The following MAP3K5 variants were observed in gnomAD, a reference collection of about 807,000 sequenced individuals.
MAP3K5 encodes ASK-1.
Under a neutral mutation model 158.7 loss-of-function variants are expected in MAP3K5, and 56 were observed. That is an observed-to-expected ratio of 0.35 (90% CI 0.28 to 0.44). The LOEUF is 0.44. Ranked by LOEUF, MAP3K5 falls within the 20% of genes least tolerant of loss-of-function variation. The probability of loss-of-function intolerance (pLI) is 1.00; values close to 1 mark genes in which losing one functional copy is unlikely to be tolerated. For missense variants in MAP3K5, 1,294 were observed against 1,674.8 expected (o/e 0.77, Z 3.97); for synonymous variants, 579 against 601.7 (o/e 0.96, Z 0.55).
intron 1 of MAP3K5, among the ~76,000 whole-genome samples, chr6:136,770,930 G>T (rs1320732714): frequency 3.9e-5 from 6 of 152,048 alleles, no homozygotes; most frequent in Non-Finnish European, 8.8e-5. Flanking sequence ...AAAACAAAGG[G>T]ATAATATTCT....
chr6:136,712,908 T>A (rs745841550), intron 2 of MAP3K5, among the ~76,000 whole-genome samples: 3 of 152,218 alleles, frequency 2.0e-5, no homozygotes, highest in Admixed American at 6.5e-5. Context: ...CCTTCTGCCA[T>A]GATTGTGAGG....
intron 24 of MAP3K5, among the ~76,000 whole-genome samples, chr6:136,582,344 T>C (rs1774929606): frequency 6.6e-6 from 1 of 151,532 alleles, no homozygotes; most frequent in African/African-American, 2.4e-5. Context: ...TACAACCCAA[T>C]AGCTCTCAGT....
At chr6:136,683,017 T>C (rs75296855) in intron 7 of MAP3K5, among the ~76,000 whole-genome samples, 1 of 152,024 alleles carries the variant, frequency 6.6e-6, no homozygotes, top group Non-Finnish European at 1.5e-5. Flanking sequence ...GATAAATATA[T>C]CAAATATGTA....
At position 136,627,503 on chromosome 6, in the gene MAP3K5, C is replaced by A. The variant is rs142043534; in HGVS notation, c.2017-4522G>T. Among the ~76,000 whole-genome samples, 8 of 152,300 alleles carry A rather than the reference C, an allele frequency of 5.3e-5. No homozygotes were observed. In the East Asian group the frequency reaches 7.7e-4, roughly 15 times the overall value. The stretch of plus-strand genomic sequence containing the variant: ...CTATGGTCTGAATGTTTGCGTACCC[C>A]CCTCTTCAGCGCCCTCAAAATCTGT... On this transcript the variant is annotated intron_variant, in intron 14 of 29. Coordinates refer to ENST00000359015, the MANE Select transcript of MAP3K5 (RefSeq NM_005923.4).
chr6:136,600,469 T>G lies in MAP3K5; in HGVS notation c.2878+553A>C, dbSNP rs575436152. On this transcript the variant is annotated intron_variant, in intron 21 of 29. Transcript: ENST00000359015. ...TCGGCCTCCCAAAGTGCTAAGACTA[T>G]AGGCGTGAACCACCATGCCCAGCCT... 2.0e-5 allele frequency among the ~76,000 whole-genome samples: 3 copies of G among 152,066 alleles called. No homozygotes were observed. In the East Asian group the frequency reaches 5.8e-4, roughly 29 times the overall value.
At chr6:136,651,209 C>T in intron 10 of MAP3K5, 118 bp from the exon 11 acceptor site, 1 of 553,788 alleles carries the variant, frequency 1.8e-6, no homozygotes, top group Non-Finnish European at 3.2e-6. Context: ...TGAATCTGTT[C>T]CTGGAGTAAA....
At chr6:136,642,262 G>A (rs1425198225) in intron 12 of MAP3K5, among the ~76,000 whole-genome samples, 1 of 151,946 alleles carries the variant, frequency 6.6e-6, no homozygotes, top group African/African-American at 2.4e-5. Context: ...TTTGATTCTG[G>A]TCCATAGTTC....
intron 19 of MAP3K5, among the ~76,000 whole-genome samples, chr6:136,603,579 C>G (rs903889987): frequency 6.6e-6 from 1 of 152,066 alleles, no homozygotes; most frequent in African/African-American, 2.4e-5. Flanking sequence ...CATGTTGGAG[C>G]CTGGATTCAA....
At chr6:136,615,559 G>C (rs558363111) in intron 15 of MAP3K5, among the ~76,000 whole-genome samples, 28 of 152,278 alleles carry the variant, frequency 1.8e-4, no homozygotes, top group South Asian at 1.7e-3. Context: ...TTGGTGATGT[G>C]GAACCCTAGC....
intron 26 of MAP3K5, among the ~76,000 whole-genome samples, chr6:136,566,490 G>A (rs1336149459): frequency 6.6e-6 from 1 of 152,154 alleles, no homozygotes; most frequent in Admixed American, 6.5e-5. Flanking sequence ...CTTCCATAAC[G>A]ATGGGGTGTT....
intron 2 of MAP3K5, among the ~76,000 whole-genome samples, chr6:136,713,113 CAGAA>C (rs1417681358): frequency 6.6e-6 from 1 of 152,178 alleles, no homozygotes; most frequent in Admixed American, 6.5e-5. Flanking sequence ...TCAACTTCCA[CAGAA>C]AGAGTCATTT....
At chr6:136,689,307 T>C (rs574747084) in intron 7 of MAP3K5, among the ~76,000 whole-genome samples, 3 of 152,232 alleles carry the variant, frequency 2.0e-5, no homozygotes, top group Admixed American at 6.5e-5. Context: ...TTCTAAAAAA[T>C]AAAAGTTTTA....
chr6:136,725,567 T>C (rs773173315), intron 1 of MAP3K5, among the ~76,000 whole-genome samples: 1 of 152,242 alleles, frequency 6.6e-6, no homozygotes. Context: ...TTCTTATTGT[T>C]GAGGTTTGAA....
chr6:136,622,794 T>C, intron 15 of MAP3K5, 54 bp downstream of exon 15: 1 of 1,569,320 alleles, frequency 6.4e-7, no homozygotes, highest in Non-Finnish European at 8.7e-7. Context: ...TCTAAAATAC[T>C]GTCAACAACC....
At chr6:136,697,746 T>C (rs1446172370) in intron 4 of MAP3K5, among the ~76,000 whole-genome samples, 1 of 152,050 alleles carries the variant, frequency 6.6e-6, no homozygotes, top group African/African-American at 2.4e-5. Context: ...TTTTGTTTGT[T>C]TGTTGTTTTT....
intron 1 of MAP3K5, among the ~76,000 whole-genome samples, chr6:136,752,051 A>T (rs190028275): frequency 2.6e-5 from 4 of 152,234 alleles, no homozygotes; most frequent in African/African-American, 7.2e-5. Flanking sequence ...TTCAAAAAAA[A>T]TTTTTACATT....
intron 23 of MAP3K5, among the ~76,000 whole-genome samples, chr6:136,584,238 C>A (rs182896683): frequency 6.6e-6 from 1 of 152,024 alleles, no homozygotes; most frequent in Non-Finnish European, 1.5e-5. Flanking sequence ...AAAGTCTGCC[C>A]GGAAAGAGAA....
chr6:136,681,716 G>A (rs544244224), intron 7 of MAP3K5, among the ~76,000 whole-genome samples: 51 of 152,138 alleles, frequency 3.4e-4, no homozygotes, highest in African/African-American at 7.5e-4. Context: ...GGAGATCGAG[G>A]CCATCCTGGC....
intron 21 of MAP3K5, chr6:136,593,570 T>A (rs1453363082): frequency 1.1e-5 from 3 of 281,084 alleles, no homozygotes; most frequent in East Asian, 1.8e-4. Context: ...TCTCTGTATA[T>A]GTATGCCTGA....
Sources: gnomAD v4.1 joint callset for allele counts (sites outside exome capture counted in the v4.1 genomes callset) on GRCh38, gnomAD v4.1.1 for gene constraint, MANE v1.5 for transcripts, NCBI Gene and HGNC (gene_info 2026-07-23, HGNC 2026-07-21) for gene names.